The following ING3 variants were observed in gnomAD, a reference collection of about 807,000 sequenced individuals.
ING3 encodes inhibitor of growth family member 3.
Under a neutral mutation model 64.8 loss-of-function variants are expected in ING3, and 6 were observed. That is an observed-to-expected ratio of 0.09 (90% CI 0.05 to 0.18). The LOEUF (loss-of-function observed/expected upper bound fraction) is 0.18. Ranked by LOEUF, ING3 falls within the 10% of genes least tolerant of loss-of-function variation. The pLI, the probability that ING3 is intolerant of heterozygous loss-of-function variation, is 1.00. For synonymous variants in ING3, 170 were observed against 173.7 expected (o/e 0.98, Z 0.17); for missense variants, 310 against 489.7 (o/e 0.63, Z 3.46).
At chr7:120,953,218 A>AG in intron 2 of ING3, 86 bp from the exon 3 acceptor site, 1 of 698,900 alleles carries the variant, frequency 1.4e-6, no homozygotes, top group Non-Finnish European at 2.4e-6. Context: ...GTGTATTGTC[A>AG]GATTTTTTCC....
rs1164505921 is a variant in ING3 at position 120,975,053 on chromosome 7, TATGA to T, written c.*212_*215del. Reference sequence around the variant, plus strand: ...AATTATTTATGCACTCCTGGTGTGCTATGAATATTATTCCAGTTAGCCTTGGATT... The same window carrying T: ...AATTATTTATGCACTCCTGGTGTGCTATATTATTCCAGTTAGCCTTGGATT... On this transcript the variant is annotated 3_prime_UTR_variant, in exon 12 of 12. Coordinates refer to ENST00000315870, the MANE Select transcript of ING3 (RefSeq NM_019071.3). 1.4e-5 allele frequency: 4 copies of T among 292,746 alleles called. No individual in the cohort carries two copies. Among genetic ancestry groups the T allele is most frequent in the Non-Finnish European group, 6.5e-6 (1 of 154,012 alleles). The allele number at this position is 292,746 out of a possible 1,614,324, so 18.1% of individuals were successfully genotyped here. A position where few individuals can be genotyped will look rare whatever the true frequency, so the allele number is the denominator to read the frequency against.
chr7:120,975,041 C>T lies in ING3; in HGVS notation c.*197C>T, dbSNP rs1796117304. 2 of 353,798 alleles carry T rather than the reference C, an allele frequency of 5.7e-6. No individual in the cohort carries two copies. The highest frequency in any genetic ancestry group is 5.1e-5 in the East Asian group (1 of 19,726). The allele number at this position is 353,798 out of a possible 1,614,324, so 21.9% of individuals were successfully genotyped here. A position where few individuals can be genotyped will look rare whatever the true frequency, so the allele number is the denominator to read the frequency against. On this transcript the variant is annotated 3_prime_UTR_variant, in exon 12 of 12. Coordinates refer to ENST00000315870, the MANE Select transcript of ING3 (RefSeq NM_019071.3). ...ATAATGTAAGTAAATTATTTATGCA[C>T]TCCTGGTGTGCTATGAATATTATTC... is the stretch of plus-strand genomic sequence containing the variant.
intron 10 of ING3, 84 bp downstream of exon 10, chr7:120,970,964 A>T: frequency 7.7e-7 from 1 of 1,299,812 alleles, no homozygotes. Context: ...ACTTTTTTAA[A>T]CTCACTTAAA....
chr7:120,967,543 C>A lies in ING3; in HGVS notation c.451C>A (p.Pro151Thr). 1 of 1,550,520 alleles carries A rather than the reference C, an allele frequency of 6.4e-7. No individual in the cohort carries two copies. The highest frequency in any genetic ancestry group is 1.2e-5 in the South Asian group (1 of 83,484). The change falls in exon 7 of 12, where the codon CCA becomes ACA. Residue 151 changes from proline to threonine, a missense_variant. By Grantham distance (38) the Pro-to-Thr change is conservative. Coordinates refer to ENST00000315870, the MANE Select transcript of ING3 (RefSeq NM_019071.3). ...HTPVEKRKYN[P>T]TSHHTTTDHI... ...TTTATATTTAGAAAGGAAATATAAT[C>A]CAACTTCTCACCATACGACAACAGA...
intron 4 of ING3, among the ~76,000 whole-genome samples, chr7:120,960,797 T>C (rs1327437742): frequency 6.6e-6 from 1 of 152,218 alleles, no homozygotes; most frequent in Non-Finnish European, 1.5e-5. Flanking sequence ...TAAAATAGTT[T>C]TGTTCTAGAA....
chr7:120,968,014 A>T lies in ING3; in HGVS notation c.637A>T (p.Ile213Phe). 6.2e-7 allele frequency: 1 copy of T among 1,614,036 alleles called. No homozygotes were observed. The highest frequency in any genetic ancestry group is 8.5e-7 in the Non-Finnish European group (1 of 1,179,958). ...NSSQPLGSYN[I>F]GSLSSGTGAG... The stretch of plus-strand genomic sequence containing the variant: ...CTCCCAACCTCTGGGATCCTATAAC[A>T]TTGGCTCGTTATCTTCAGGAACTGG... The change falls in exon 8 of 12, where the codon ATT becomes TTT. Residue 213 changes from isoleucine (I) to phenylalanine (F), a missense_variant. Ile to Phe is a conservative substitution (Grantham distance 21, BLOSUM62 0). This residue lies in a region of ING3 where 233 missense variants were observed against 289.4 expected (regional missense o/e 0.81). Transcript: ENST00000315870.
Position 120,953,354 on chromosome 7 carries a change from A to G in ING3, c.151A>G (p.Lys51Glu). ...AGTCAGTGAATTCTTTATGAATGCAAAGAAAAATAAACCTGAGTGGAGGGA... is the reference window on the plus strand; with the variant it reads ...AGTCAGTGAATTCTTTATGAATGCAGAGAAAAATAAACCTGAGTGGAGGGA... ...QRVSEFFMNA[K>E]KNKPEWREEQ... The change falls in exon 3 of 12, where the codon AAG (lysine) becomes GAG (glutamate). Residue 51 changes from lysine to glutamate, a missense_variant. Transcript: ENST00000315870. The G allele has an allele frequency of 6.2e-7, 1 of 1,608,350 alleles. No homozygotes were observed. Among genetic ancestry groups the G allele is most frequent in the South Asian group, 1.1e-5 (1 of 90,016 alleles).
chr7:120,959,348 T>C (rs898906798), intron 4 of ING3, among the ~76,000 whole-genome samples: 2 of 152,216 alleles, frequency 1.3e-5, no homozygotes, highest in African/African-American at 4.8e-5. Context: ...ACTCCTCTAT[T>C]GCAATTCCAT....
At chr7:120,966,565 A>G (rs1298066470) in intron 5 of ING3, 61 bp from the exon 6 acceptor site, 10 of 1,239,868 alleles carry the variant, frequency 8.1e-6, no homozygotes, top group Non-Finnish European at 1.1e-5. Flanking sequence ...TAGTTGAGTG[A>G]CATGTGAAGT....
At chr7:120,958,348 C>T (rs1795882417) in intron 4 of ING3, among the ~76,000 whole-genome samples, 1 of 152,156 alleles carries the variant, frequency 6.6e-6, no homozygotes, top group Admixed American at 6.5e-5. Flanking sequence ...CCCTCTGCCT[C>T]TTATCACTAT....
intron 9 of ING3, among the ~76,000 whole-genome samples, chr7:120,970,486 A>G (rs547894472): frequency 1.9e-4 from 29 of 152,128 alleles, no homozygotes; most frequent in Non-Finnish European, 3.5e-4. Flanking sequence ...AAAAATACAA[A>G]TAATGTCTGT....
intron 4 of ING3, chr7:120,956,471 T>C: frequency 1.4e-6 from 1 of 738,562 alleles, no homozygotes; most frequent in Non-Finnish European, 1.7e-6. Flanking sequence ...GAACACCACA[T>C]ATGGTGTGAA....
chr7:120,956,013 A>G, intron 4 of ING3: 1 of 641,992 alleles, frequency 1.6e-6, no homozygotes, highest in Non-Finnish European at 2.7e-6. Context: ...TGCTTTGACA[A>G]GAGTTCTTGG....
rs377082620 is a variant in ING3 at position 120,974,868 on chromosome 7, G to A, written c.*24G>A. On this transcript the variant is annotated 3_prime_UTR_variant, in exon 12 of 12. Coordinates refer to ENST00000315870, the MANE Select transcript of ING3 (RefSeq NM_019071.3). ...AAAGGTGGTCCTTTTGTTTGATGAAGAAATAAACTTCAGCTGAAGATTTTA... is the reference window on the plus strand; with the variant it reads ...AAAGGTGGTCCTTTTGTTTGATGAAAAAATAAACTTCAGCTGAAGATTTTA... 21 of 1,499,384 alleles carry A rather than the reference G, an allele frequency of 1.4e-5. No homozygotes were observed. Among genetic ancestry groups the A allele is most frequent in the Non-Finnish European group, 1.5e-5 (16 of 1,086,728 alleles). The allele number at this position is 1,499,384 out of a possible 1,614,324, so 92.9% of individuals were successfully genotyped here.
At chr7:120,959,980 G>C (rs145681069) in intron 4 of ING3, among the ~76,000 whole-genome samples, 1 of 152,054 alleles carries the variant, frequency 6.6e-6, no homozygotes, top group South Asian at 2.1e-4. Flanking sequence ...TTTAGATTTC[G>C]ATAAGTACAC....
Position 120,966,852 on chromosome 7 carries a change from G to T in ING3, c.436+155G>T, listed in dbSNP as rs573330044. On this transcript the variant is annotated intron_variant, in intron 6 of 11. Coordinates refer to ENST00000315870, the MANE Select transcript of ING3 (RefSeq NM_019071.3). ...TACTGGCAGACTTGTCTTTTTCCTT[G>T]GGGGGAGCATATGTGATTCGGAAAT... 2.0e-5 allele frequency among the ~76,000 whole-genome samples: 3 copies of T among 151,670 alleles called. No homozygotes were observed. The East Asian group carries it at 5.8e-4, about 29-fold the overall frequency.
At position 120,974,797 on chromosome 7, in the gene ING3, C is replaced by G. The variant is rs1562978522; in HGVS notation, c.1210C>G (p.Pro404Ala). The G allele has an allele frequency of 6.2e-7, 1 of 1,612,762 alleles. No individual in the cohort carries two copies. The highest frequency in any genetic ancestry group is 8.5e-7 in the Non-Finnish European group (1 of 1,179,060). The change falls in exon 12 of 12, where the codon CCA becomes GCA. Residue 404 changes from proline to alanine, a missense_variant. Transcript: ENST00000315870. ...GGCACCAAAAGGCAAATGGTACTGT[C>G]CACAGTGCACTGCTGCAATGAAGAG... is the stretch of plus-strand genomic sequence containing the variant. ...TEAPKGKWYCPQCTAAMKRRG... is the reference protein window; with the variant it reads ...TEAPKGKWYCAQCTAAMKRRG...
intron 4 of ING3, among the ~76,000 whole-genome samples, chr7:120,958,971 AT>A (rs1795892442): frequency 6.6e-6 from 1 of 152,196 alleles, no homozygotes; most frequent in African/African-American, 2.4e-5. Flanking sequence ...TTATTGCTAA[AT>A]TCATCAGACA....
At chr7:120,956,869 C>A (rs1795856286) in intron 4 of ING3, 1 of 890,290 alleles carries the variant, frequency 1.1e-6, no homozygotes, top group Non-Finnish European at 1.3e-6. Context: ...CTCTTTGGTT[C>A]TATTCTTTGT....
Sources: gnomAD v4.1 joint callset for allele counts (sites outside exome capture counted in the v4.1 genomes callset) on GRCh38, gnomAD v4.1.1 for gene constraint, gnomAD v4.1.1 regional missense constraint, MANE v1.5 for transcripts, NCBI Gene and HGNC (gene_info 2026-07-23, HGNC 2026-07-21) for gene names.